XKR4: variants seen among roughly 807,000 people sequenced by gnomAD.
The protein encoded by XKR4 is XK-related protein 4.
In XKR4, 12 loss-of-function variants were observed where a neutral mutation model predicts 53.9. The observed-to-expected ratio is 0.22, with a 90% CI of 0.14 to 0.36. The LOEUF (loss-of-function observed/expected upper bound fraction) is 0.36. Among genes scored for constraint, XKR4 ranks in the 10% least tolerant of loss-of-function variants. The probability of loss-of-function intolerance (pLI) is 1.00; values close to 1 mark genes in which losing one functional copy is unlikely to be tolerated. For synonymous variants in XKR4, 354 were observed against 362.4 expected (o/e 0.98, Z 0.26); for missense variants, 799 against 859.5 (o/e 0.93, Z 0.88).
chr8:55,511,449 A>G lies in XKR4; in HGVS notation c.1007-11832A>G, dbSNP rs935228436. ...TCCCTCTACCTTCTGCCTTCCCCCA[A>G]CCAGCCCCTTGCCCCCAAGTCCTTC... On this transcript the variant is annotated intron_variant, in intron 2 of 2. Coordinates refer to ENST00000327381, the MANE Select transcript of XKR4 (RefSeq NM_052898.2). 4.1e-4 allele frequency among the ~76,000 whole-genome samples: 63 copies of G among 152,214 alleles called. 1 individual carries two copies. The highest frequency in any genetic ancestry group is 1.3e-3 in the African/African-American group (56 of 41,532).
intron 1 of XKR4, among the ~76,000 whole-genome samples, chr8:55,284,287 A>G (rs1173815085): frequency 6.6e-6 from 1 of 152,218 alleles, no homozygotes; most frequent in East Asian, 1.9e-4. Flanking sequence ...AATTTTAATG[A>G]TTCATTAGTT....
intron 1 of XKR4, among the ~76,000 whole-genome samples, chr8:55,264,739 T>C (rs966604597): frequency 3.3e-5 from 5 of 152,208 alleles, no homozygotes; most frequent in African/African-American, 7.2e-5. Context: ...AAACCCTGAA[T>C]TGAGAATTGC....
At chr8:55,181,080 G>C (rs964149993) in intron 1 of XKR4, among the ~76,000 whole-genome samples, 21 of 152,284 alleles carry the variant, frequency 1.4e-4, no homozygotes, top group African/African-American at 4.6e-4. Context: ...ATAGATCCAA[G>C]CTCCTACTAT....
At chr8:55,327,209 A>G (rs1367012062) in intron 1 of XKR4, among the ~76,000 whole-genome samples, 7 of 152,214 alleles carry the variant, frequency 4.6e-5, no homozygotes, top group Non-Finnish European at 1.5e-5. Flanking sequence ...ATTTATAATC[A>G]TTAACATTAC....
At chr8:55,375,224 G>A (rs1804130084) in intron 2 of XKR4, among the ~76,000 whole-genome samples, 1 of 152,220 alleles carries the variant, frequency 6.6e-6, no homozygotes, top group Non-Finnish European at 1.5e-5. Flanking sequence ...GCAGTGTTGT[G>A]TTAGAACAGA....
chr8:55,288,061 C>T (rs1275719900), intron 1 of XKR4, among the ~76,000 whole-genome samples: 1 of 152,080 alleles, frequency 6.6e-6, no homozygotes, highest in East Asian at 1.9e-4. Flanking sequence ...TTTTTGTTAG[C>T]TCATCAGCTA....
At chr8:55,228,959 G>T (rs1400623958) in intron 1 of XKR4, among the ~76,000 whole-genome samples, 1 of 152,132 alleles carries the variant, frequency 6.6e-6, no homozygotes, top group African/African-American at 2.4e-5. Flanking sequence ...TGATCACGGG[G>T]TTCCCTTCCA....
chr8:55,223,901 C>A (rs1817919500), intron 1 of XKR4, among the ~76,000 whole-genome samples: 1 of 151,754 alleles, frequency 6.6e-6, no homozygotes, highest in South Asian at 2.1e-4. Flanking sequence ...TGCTAGTGAG[C>A]AGAAAGAATA....
chr8:55,308,477 G>A (rs192682436), intron 1 of XKR4, among the ~76,000 whole-genome samples: 62 of 152,010 alleles, frequency 4.1e-4, no homozygotes, highest in Admixed American at 8.5e-4. Context: ...CAGATGTCAT[G>A]AGAACTCACT....
chr8:55,457,429 A>T (rs1057456948), intron 2 of XKR4, among the ~76,000 whole-genome samples: 1 of 152,232 alleles, frequency 6.6e-6, no homozygotes, highest in African/African-American at 2.4e-5. Flanking sequence ...GGCGTGAGCC[A>T]CCGTGCCTGG....
chr8:55,480,444 C>T (rs941365397), intron 2 of XKR4, among the ~76,000 whole-genome samples: 1 of 152,152 alleles, frequency 6.6e-6, no homozygotes, highest in African/African-American at 2.4e-5. Flanking sequence ...CAGCCAATAT[C>T]ATACTGAATG....
rs142217393 is a variant in XKR4, at chr8:55,523,855, T to C, written c.1581T>C (p.Ala527=). The C allele has an allele frequency of 6.2e-7, 1 of 1,614,086 alleles. No homozygotes were observed. Among genetic ancestry groups the C allele is most frequent in the Non-Finnish European group, 8.5e-7 (1 of 1,180,042 alleles). Residue 527 remains alanine (A), a synonymous_variant, in exon 3 of 3, where the codon GCT becomes GCC. Coordinates refer to ENST00000327381, the MANE Select transcript of XKR4 (RefSeq NM_052898.2). ...GPRFGQSPSC[A]CEDPAAAFTL... The stretch of plus-strand genomic sequence containing the variant: ...GATTCGGGCAGTCACCAAGTTGTGC[T>C]TGTGAGGACCCAGCCGCTGCCTTCA...
chr8:55,292,391 G>GT (rs909697170), intron 1 of XKR4, among the ~76,000 whole-genome samples: 2 of 151,900 alleles, frequency 1.3e-5, no homozygotes, highest in African/African-American at 4.8e-5. Context: ...AGTGGTTTGT[G>GT]TTTTTTTAAG....
intron 1 of XKR4, among the ~76,000 whole-genome samples, chr8:55,136,667 ATCC>A (rs1222481162): frequency 5.3e-5 from 8 of 152,344 alleles, no homozygotes; most frequent in African/African-American, 1.7e-4. Context: ...TGAATTGTAC[ATCC>A]TCTTTTTACT....
At position 55,477,232 on chromosome 8, in the gene XKR4, A is replaced by G. The variant is rs550830492; in HGVS notation, c.1007-46049A>G. The stretch of plus-strand genomic sequence containing the variant: ...GAGGCAGCAGCATTTGCAGTTCACC[A>G]AGATCCGCTGTCCTACAGCCACCAC... On this transcript the variant is annotated intron_variant, in intron 2 of 2. Coordinates refer to ENST00000327381, the MANE Select transcript of XKR4 (RefSeq NM_052898.2). 1.4e-4 allele frequency among the ~76,000 whole-genome samples: 22 copies of G among 152,240 alleles called. No homozygotes were observed. In the East Asian group the frequency reaches 4.1e-3, roughly 28 times the overall value.
intron 1 of XKR4, among the ~76,000 whole-genome samples, chr8:55,121,866 C>T (rs57636800): frequency 1.3e-5 from 2 of 149,206 alleles, no homozygotes; most frequent in Admixed American, 6.7e-5. Flanking sequence ...ACACACACCC[C>T]TTTGACATAC....
rs1806872577 is a variant in XKR4 at position 55,525,598 on chromosome 8, C to T, written c.*1371C>T. On this transcript the variant is annotated 3_prime_UTR_variant, in exon 3 of 3. Coordinates refer to ENST00000327381, the MANE Select transcript of XKR4 (RefSeq NM_052898.2). ...TAAATACCTCCGTACAGCAAGTAAA[C>T]GTTCCCCGCTTTCTGTTCTCAGTGT... 6.6e-6 allele frequency: 1 copy of T among 152,600 alleles called. No individual in the cohort carries two copies. The highest frequency in any genetic ancestry group is 1.5e-5 in the Non-Finnish European group (1 of 68,046). 9.5% of individuals were successfully genotyped at this position (152,600 alleles called of 1,614,324 possible). A position where few individuals can be genotyped will look rare whatever the true frequency, so the allele number is the denominator to read the frequency against.
chr8:55,247,172 G>A (rs1308180503), intron 1 of XKR4, among the ~76,000 whole-genome samples: 1 of 152,178 alleles, frequency 6.6e-6, no homozygotes, highest in African/African-American at 2.4e-5. Context: ...AGTTCTGAAA[G>A]TGAAAATGCA....
intron 2 of XKR4, chr8:55,455,255 C>CGCGGCGGCT: frequency 5.6e-6 from 1 of 179,032 alleles, no homozygotes; most frequent in South Asian, 1.4e-4. Context: ...CCGCGGCGGC[C>CGCGGCGGCT]GCAGCGGCTG....
Sources: allele counts gnomAD v4.1 joint callset (sites outside exome capture counted in the v4.1 genomes callset), GRCh38; gene constraint gnomAD v4.1.1; transcripts MANE v1.5; gene names NCBI Gene and HGNC (gene_info 2026-07-23, HGNC 2026-07-21).